The following KIAA1671 variants were observed in gnomAD, a reference collection of about 807,000 sequenced individuals.
KIAA1671 encodes the protein KIAA1671.
In KIAA1671, 52 loss-of-function variants were observed where a neutral mutation model predicts 131.2. The observed-to-expected ratio is 0.40, with a 90% confidence interval of 0.32 to 0.50. The LOEUF is 0.50. KIAA1671 is among the 20% of genes least tolerant of loss of function. The pLI is 0.73. For missense variants in KIAA1671, 2,360 were observed against 2,364.2 expected (o/e 1.00, Z 0.04); for synonymous variants, 1,003 against 961.6 (o/e 1.04, Z -0.80).
chr22:25,030,724 G>T (rs1312576532), intron 3 of KIAA1671, among the ~76,000 whole-genome samples: 5 of 152,184 alleles, frequency 3.3e-5, no homozygotes, highest in Admixed American at 3.3e-4. Flanking sequence ...GCCCACTTCC[G>T]ACATCTCTTC....
chr22:25,027,401 C>T (rs1926005960), intron 2 of KIAA1671, among the ~76,000 whole-genome samples: 1 of 152,158 alleles, frequency 6.6e-6, no homozygotes, highest in Non-Finnish European at 1.5e-5. Flanking sequence ...AGATGCTTAG[C>T]ACACACTTGT....
chr22:24,976,618 C>T (rs539346020), intron 1 of KIAA1671, among the ~76,000 whole-genome samples: 2 of 152,292 alleles, frequency 1.3e-5, no homozygotes, highest in East Asian at 1.9e-4. Flanking sequence ...CCGGGCTGGT[C>T]GCGACATGAA....
At chr22:25,121,958 G>C (rs1234019939) in intron 6 of KIAA1671, among the ~76,000 whole-genome samples, 2 of 152,182 alleles carry the variant, frequency 1.3e-5, no homozygotes, top group East Asian at 3.8e-4. Flanking sequence ...TACGCAGCTG[G>C]TTAAGAGAGT....
At chr22:25,118,086 C>T (rs894972480) in intron 6 of KIAA1671, among the ~76,000 whole-genome samples, 7 of 144,660 alleles carry the variant, frequency 4.8e-5, no homozygotes, top group Admixed American at 2.9e-4. Context: ...TGCAGTGAGT[C>T]GAGATCACAC....
intron 6 of KIAA1671, among the ~76,000 whole-genome samples, chr22:25,085,247 C>T (rs1309751135): frequency 6.6e-6 from 1 of 152,196 alleles, no homozygotes; most frequent in African/African-American, 2.4e-5. Flanking sequence ...GATTCAAAGC[C>T]ATTGTTTTCC....
intron 1 of KIAA1671, among the ~76,000 whole-genome samples, chr22:24,992,234 A>T (rs916080837): frequency 1.3e-5 from 2 of 152,154 alleles, no homozygotes; most frequent in Admixed American, 6.6e-5. Context: ...TTCCTTTAGG[A>T]TGTCCATGCC....
At chr22:25,001,345 G>T in intron 1 of KIAA1671, among the ~76,000 whole-genome samples, 1 of 152,008 alleles carries the variant, frequency 6.6e-6, no homozygotes, top group East Asian at 1.9e-4. Context: ...CATTCTTAAT[G>T]GTGTCTTCTA....
At chr22:25,002,860 A>C (rs1419231108) in intron 1 of KIAA1671, among the ~76,000 whole-genome samples, 2 of 151,956 alleles carry the variant, frequency 1.3e-5, no homozygotes, top group Non-Finnish European at 2.9e-5. Context: ...GCTAGGTGCA[A>C]CTGCCTCTTC....
In KIAA1671 at chr22:25,079,181, T is replaced by C. The variant is rs1929264869; in HGVS notation, c.4530+29817T>C. Among the ~76,000 whole-genome samples the C allele has an allele frequency of 2.0e-5, 3 of 151,936 alleles. No individual in the cohort carries two copies. In the South Asian group the frequency reaches 6.2e-4, roughly 32 times the overall value. On this transcript the variant is annotated intron_variant, in intron 6 of 12. Transcript: ENST00000358431. ...CATGCACCAGGCCCTGTTCTAAAGG[T>C]TTGGGATACATCAGTGCACAAGACA...
At chr22:25,173,385 C>T (rs949705570) in intron 7 of KIAA1671, among the ~76,000 whole-genome samples, 2 of 152,284 alleles carry the variant, frequency 1.3e-5, no homozygotes, top group South Asian at 4.1e-4. Context: ...TAGCACAATG[C>T]TTGGCACATA....
chr22:25,016,903 C>T (rs1474830639), intron 1 of KIAA1671, among the ~76,000 whole-genome samples: 1 of 152,210 alleles, frequency 6.6e-6, no homozygotes, highest in African/African-American at 2.4e-5. Flanking sequence ...CATACAGCAG[C>T]AGAGGTGCTG....
chr22:25,071,435 C>A (rs1418928651), intron 6 of KIAA1671, among the ~76,000 whole-genome samples: 1 of 152,050 alleles, frequency 6.6e-6, no homozygotes, highest in Non-Finnish European at 1.5e-5. Context: ...ACAGGAGATC[C>A]CCCCAGTCCA....
Position 25,193,267 on chromosome 22 carries a change from T to G in KIAA1671, c.*866T>G, listed in dbSNP as rs1934725663. ...CTCTTGTATTTATTTCCATGGCTTC[T>G]TTTCATTTGAGCTCTGGTTTCGGTA... On this transcript the variant is annotated 3_prime_UTR_variant, in exon 13 of 13. Coordinates refer to ENST00000358431, the MANE Select transcript of KIAA1671 (RefSeq NM_001145206.2). 6.6e-6 allele frequency: 1 copy of G among 152,232 alleles called. No individual in the cohort carries two copies. The highest frequency in any genetic ancestry group is 2.4e-5 in the African/African-American group (1 of 41,466). The allele number at this position is 152,232 out of a possible 1,614,324, so 9.4% of individuals were successfully genotyped here. A position where few individuals can be genotyped will look rare whatever the true frequency, so the allele number is the denominator to read the frequency against.
intron 6 of KIAA1671, among the ~76,000 whole-genome samples, chr22:25,093,421 A>C (rs950908257): frequency 2.6e-5 from 4 of 152,168 alleles, no homozygotes; most frequent in South Asian, 4.1e-4. Flanking sequence ...GCTCAGGCAC[A>C]ATAGGTGCCT....
intron 6 of KIAA1671, among the ~76,000 whole-genome samples, chr22:25,125,983 C>G (rs112286466): frequency 3.0e-4 from 45 of 152,210 alleles, no homozygotes; most frequent in Non-Finnish European, 5.4e-4. Flanking sequence ...CAAAGTGGCG[C>G]AAACAATATC....
At chr22:24,966,663 G>T (rs969012925) in intron 1 of KIAA1671, among the ~76,000 whole-genome samples, 1 of 152,190 alleles carries the variant, frequency 6.6e-6, no homozygotes, top group African/African-American at 2.4e-5. Flanking sequence ...GTATTAAAAT[G>T]AGTCCTGGGC....
chr22:25,093,722 CA>C (rs1930146851), intron 6 of KIAA1671, among the ~76,000 whole-genome samples: 6 of 124,224 alleles, frequency 4.8e-5, no homozygotes, highest in African/African-American at 8.9e-5. Context: ...CACACACACA[CA>C]CACACACACA....
At chr22:25,006,485 A>G (rs985510683) in intron 1 of KIAA1671, among the ~76,000 whole-genome samples, 6 of 152,178 alleles carry the variant, frequency 3.9e-5, no homozygotes, top group Non-Finnish European at 7.3e-5. Flanking sequence ...GGCGACCGAG[A>G]CAAAGAACTT....
intron 1 of KIAA1671, among the ~76,000 whole-genome samples, chr22:24,979,561 A>G (rs999013372): frequency 1.5e-4 from 22 of 148,500 alleles, no homozygotes; most frequent in Middle Eastern, 3.7e-3. Context: ...GTGTTAGCCA[A>G]GATGGTCTCG....
Sources: gnomAD v4.1 joint callset for allele counts (sites outside exome capture counted in the v4.1 genomes callset) on GRCh38, gnomAD v4.1.1 for gene constraint, MANE v1.5 for transcripts, NCBI Gene and HGNC (gene_info 2026-07-23, HGNC 2026-07-21) for gene names.